The following SDK1 variants were observed in gnomAD, a reference collection of about 807,000 sequenced individuals.
SDK1 encodes the protein sidekick cell adhesion molecule 1, also known as protein sidekick-1.
Under a neutral mutation model 245.5 loss-of-function variants are expected in SDK1, and 157 were observed. The ratio of observed to expected loss-of-function variants is 0.64; its 90% CI spans 0.56 to 0.73. SDK1 has a LOEUF of 0.73. Among genes scored for constraint, SDK1 ranks in the 30% least tolerant of loss-of-function variants. The probability of loss-of-function intolerance (pLI) is 0.00; values close to 1 mark genes in which losing one functional copy is unlikely to be tolerated. For missense variants in SDK1, 3,583 were observed against 3,002.3 expected (o/e 1.19, Z -4.52); for synonymous variants, 1,647 against 1,278.5 (o/e 1.29, Z -6.15).
At chr7:3,440,899 A>G (rs1202588498) in intron 1 of SDK1, among the ~76,000 whole-genome samples, 1 of 152,210 alleles carries the variant, frequency 6.6e-6, no homozygotes, top group Non-Finnish European at 1.5e-5. Flanking sequence ...ATTGACAGCA[A>G]TGTGTTGTGC....
At chr7:3,845,164 C>A (rs977367229) in intron 5 of SDK1, among the ~76,000 whole-genome samples, 1 of 152,078 alleles carries the variant, frequency 6.6e-6, no homozygotes, top group Admixed American at 6.5e-5. Context: ...AGGGTGAGGG[C>A]AGAGCCAAAA....
chr7:3,519,042 G>C (rs1782842611), intron 1 of SDK1, among the ~76,000 whole-genome samples: 1 of 151,980 alleles, frequency 6.6e-6, no homozygotes, highest in Non-Finnish European at 1.5e-5. Flanking sequence ...AAATAAGCCA[G>C]GAACAGAAAG....
At chr7:3,859,986 C>A (rs935165316) in intron 5 of SDK1, among the ~76,000 whole-genome samples, 6 of 151,328 alleles carry the variant, frequency 4.0e-5, no homozygotes, top group African/African-American at 1.5e-4. Flanking sequence ...GTGGCATGAT[C>A]TTGGCTCACT....
chr7:3,695,066 A>G (rs13310805), intron 4 of SDK1, among the ~76,000 whole-genome samples: 80,983 of 152,046 alleles, frequency 0.53, 25,013 homozygotes, highest in Non-Finnish European at 0.71. Context: ...TACATATTAG[A>G]GACTAACAGT....
chr7:3,421,894 A>C (rs1403860232), intron 1 of SDK1, among the ~76,000 whole-genome samples: 2 of 152,110 alleles, frequency 1.3e-5, no homozygotes, highest in Admixed American at 1.3e-4. Flanking sequence ...AGTGGGCCAG[A>C]TGCAGTGGCT....
Position 3,788,487 on chromosome 7 carries a change from G to A in SDK1, c.714-32963G>A, listed in dbSNP as rs190181272. 2.6e-4 allele frequency among the ~76,000 whole-genome samples: 39 copies of A among 152,212 alleles called. No individual in the cohort carries two copies. In the East Asian group the frequency reaches 4.6e-3, roughly 18 times the overall value. ...TGCATTTGAAGTGGAATTATCTCCC[G>A]AAGGCAAAGAAATCACATGTCCTAT... On this transcript the variant is annotated intron_variant, in intron 4 of 44. Coordinates refer to ENST00000404826, the MANE Select transcript of SDK1 (RefSeq NM_152744.4).
chr7:3,772,193 AT>A (rs1780423870), intron 4 of SDK1, among the ~76,000 whole-genome samples: 1 of 149,586 alleles, frequency 6.7e-6, no homozygotes, highest in Non-Finnish European at 1.5e-5. Context: ...CATTTCCTGC[AT>A]TTGTCTGCTT....
At chr7:3,969,563 A>G in intron 11 of SDK1, 139 bp downstream of exon 11, 1 of 573,716 alleles carries the variant, frequency 1.7e-6, no homozygotes, top group African/African-American at 1.9e-5. Context: ...CAACTAATTT[A>G]TAGAAATCTG....
intron 1 of SDK1, among the ~76,000 whole-genome samples, chr7:3,611,875 G>A (rs1431754291): frequency 1.3e-5 from 2 of 152,108 alleles, no homozygotes; most frequent in Non-Finnish European, 2.9e-5. Flanking sequence ...TACACTGGTG[G>A]TGAGAATGTA....
chr7:3,560,889 T>A (rs567439777), intron 1 of SDK1, among the ~76,000 whole-genome samples: 1 of 152,340 alleles, frequency 6.6e-6, no homozygotes, highest in South Asian at 2.1e-4. Flanking sequence ...GATGGCTGTT[T>A]CCTACACTTC....
At position 3,301,888 on chromosome 7, in the gene SDK1, G is replaced by A; in HGVS notation, c.298+4G>A. The A allele has an allele frequency of 8.8e-7, 1 of 1,136,274 alleles. No individual in the cohort carries two copies. Among genetic ancestry groups the A allele is most frequent in the Non-Finnish European group, 1.1e-6 (1 of 926,774 alleles). The allele number at this position is 1,136,274 out of a possible 1,614,324, so 70.4% of individuals were successfully genotyped here. A position where few individuals can be genotyped will look rare whatever the true frequency, so the allele number is the denominator to read the frequency against. Reference sequence around the variant, plus strand: ...TTGCTCCGGGCGCTGGCGCAAGGTAGGTGCGCGCGGGGTCGCGGGCCGGGG... The same window carrying A: ...TTGCTCCGGGCGCTGGCGCAAGGTAAGTGCGCGCGGGGTCGCGGGCCGGGG... On this transcript the variant is annotated splice_donor_region_variant and intron_variant, in intron 1 of 44. Transcript: ENST00000404826.
At chr7:3,880,956 G>A (rs181601885) in intron 5 of SDK1, among the ~76,000 whole-genome samples, 22 of 152,118 alleles carry the variant, frequency 1.4e-4, no homozygotes, top group African/African-American at 5.3e-4. Context: ...TGGGATTAGG[G>A]GAAAGAAATG....
intron 1 of SDK1, among the ~76,000 whole-genome samples, chr7:3,479,152 C>G (rs1243530401): frequency 2.0e-5 from 3 of 152,046 alleles, no homozygotes; most frequent in Admixed American, 6.5e-5. Context: ...GGTGTGGCAG[C>G]TCACACCTGT....
At chr7:3,593,553 C>T (rs1005154445) in intron 1 of SDK1, among the ~76,000 whole-genome samples, 3 of 152,286 alleles carry the variant, frequency 2.0e-5, no homozygotes, top group Non-Finnish European at 2.9e-5. Flanking sequence ...TTCCTATTGC[C>T]GTACTGCATT....
intron 1 of SDK1, among the ~76,000 whole-genome samples, chr7:3,356,053 C>T (rs1008902742): frequency 1.2e-4 from 18 of 152,162 alleles, no homozygotes; most frequent in Admixed American, 2.6e-4. Context: ...ACAGATAACA[C>T]GGTTTAAAAA....
chr7:3,397,489 C>T (rs958164487), intron 1 of SDK1, among the ~76,000 whole-genome samples: 1 of 149,388 alleles, frequency 6.7e-6, no homozygotes. Context: ...TTCCCCCCCC[C>T]AGCGCTTTGA....
At chr7:3,778,036 T>C (rs1780616710) in intron 4 of SDK1, among the ~76,000 whole-genome samples, 1 of 152,242 alleles carries the variant, frequency 6.6e-6, no homozygotes, top group Non-Finnish European at 1.5e-5. Flanking sequence ...TTTGAAGTTT[T>C]TGTTGGTTAT....
At chr7:3,927,314 C>G (rs1165077351) in intron 5 of SDK1, among the ~76,000 whole-genome samples, 1 of 152,008 alleles carries the variant, frequency 6.6e-6, no homozygotes, top group Admixed American at 6.5e-5. Context: ...AATGTTGGGC[C>G]CTTTAGTTTC....
intron 5 of SDK1, among the ~76,000 whole-genome samples, chr7:3,878,834 T>G (rs1781136743): frequency 6.6e-6 from 1 of 152,202 alleles, no homozygotes; most frequent in Non-Finnish European, 1.5e-5. Flanking sequence ...CTGTGACATT[T>G]AAAATTCTTT....
Sources: allele counts gnomAD v4.1 joint callset (sites outside exome capture counted in the v4.1 genomes callset), GRCh38; gene constraint gnomAD v4.1.1; transcripts MANE v1.5; gene names NCBI Gene and HGNC (gene_info 2026-07-23, HGNC 2026-07-21).